The following APLF variants were observed in gnomAD, a reference collection of about 807,000 sequenced individuals.
APLF encodes the protein aprataxin and PNKP like factor, also known as aprataxin and PNK-like factor.
Under a neutral mutation model 55.6 loss-of-function variants are expected in APLF, and 61 were observed. That is an observed-to-expected ratio of 1.10 (90% CI 0.89 to 1.36). The LOEUF is 1.36. APLF is among the 40% of genes most tolerant of loss of function. The probability of loss-of-function intolerance (pLI) is 0.00; values close to 1 mark genes in which losing one functional copy is unlikely to be tolerated. For missense variants in APLF, 611 were observed against 602.5 expected, an observed-to-expected ratio of 1.01 and a Z score of -0.15; for synonymous variants, 207 against 214.8, an observed-to-expected ratio of 0.96 and a Z score of 0.32.
intron 8 of APLF, among the ~76,000 whole-genome samples, chr2:68,558,845 A>G (rs551016922): frequency 5.5e-4 from 84 of 151,946 alleles, no homozygotes; most frequent in Non-Finnish European, 1.0e-3. Context: ...TGTTCCCCCC[A>G]GTGTGTCCAT....
At chr2:68,470,087 A>T (rs1272412055) in intron 1 of APLF, among the ~76,000 whole-genome samples, 1 of 152,220 alleles carries the variant, frequency 6.6e-6, no homozygotes, top group Non-Finnish European at 1.5e-5. Context: ...CATGTGAGTC[A>T]TCAGAGAACC....
chr2:68,563,887 G>A (rs893921857), intron 8 of APLF, among the ~76,000 whole-genome samples: 1 of 152,030 alleles, frequency 6.6e-6, no homozygotes, highest in Non-Finnish European at 1.5e-5. Flanking sequence ...GATAATAACA[G>A]TAAGACACCC....
chr2:68,495,895 G>A (rs941725659), intron 2 of APLF, among the ~76,000 whole-genome samples: 2 of 152,202 alleles, frequency 1.3e-5, no homozygotes, highest in Non-Finnish European at 2.9e-5. Context: ...GGTCCTTTGA[G>A]CCATGGCTGG....
chr2:68,474,958 G>A (rs568283828), intron 1 of APLF, among the ~76,000 whole-genome samples: 26 of 152,212 alleles, frequency 1.7e-4, no homozygotes, highest in African/African-American at 3.9e-4. Context: ...GTGAGCCTCC[G>A]CGCCTGGGTA....
intron 5 of APLF, chr2:68,515,833 A>C (rs940389910): frequency 1.4e-6 from 1 of 699,634 alleles, no homozygotes; most frequent in Non-Finnish European, 1.8e-6. Context: ...ACTTTAGAAC[A>C]GTTTAGTACC....
intron 1 of APLF, among the ~76,000 whole-genome samples, chr2:68,473,113 A>G (rs550271998): frequency 6.6e-6 from 1 of 152,274 alleles, no homozygotes; most frequent in South Asian, 2.1e-4. Context: ...ACATTTATCT[A>G]CCATTGCAGT....
At chr2:68,518,325 A>T (rs1444516515) in intron 5 of APLF, among the ~76,000 whole-genome samples, 1 of 113,374 alleles carries the variant, frequency 8.8e-6, no homozygotes, top group African/African-American at 3.6e-5. Flanking sequence ...AATAATATAT[A>T]ATATATTAAT....
At chr2:68,499,168 G>T (rs543120732) in intron 2 of APLF, among the ~76,000 whole-genome samples, 2 of 151,954 alleles carry the variant, frequency 1.3e-5, no homozygotes, top group African/African-American at 4.8e-5. Context: ...TTTTTTGCAG[G>T]GATAATGCAT....
chr2:68,473,372 A>C (rs1050895547), intron 1 of APLF, among the ~76,000 whole-genome samples: 10 of 152,204 alleles, frequency 6.6e-5, no homozygotes, highest in African/African-American at 2.4e-4. Context: ...GTGATGAATA[A>C]TATTCCATTG....
At chr2:68,517,118 C>A (rs1239278694) in intron 5 of APLF, among the ~76,000 whole-genome samples, 1 of 120,206 alleles carries the variant, frequency 8.3e-6, no homozygotes, top group Non-Finnish European at 1.6e-5. Context: ...TATAATAATA[C>A]GTTATTGATC....
intron 7 of APLF, 94 bp from the exon 8 acceptor site, chr2:68,545,093 G>A: frequency 2.1e-6 from 3 of 1,423,728 alleles, no homozygotes; most frequent in Non-Finnish European, 2.9e-6. Flanking sequence ...TTCAAGGATA[G>A]CCAGATGTGG....
In APLF at chr2:68,579,104, A is replaced by G. The variant is rs539100546; in HGVS notation, c.*1082A>G. 3 of 966,432 alleles carry G rather than the reference A, an allele frequency of 3.1e-6. No homozygotes were observed. Among genetic ancestry groups the G allele is most frequent in the South Asian group, 4.8e-5 (1 of 20,866 alleles). 59.9% of individuals were successfully genotyped at this position (966,432 alleles called of 1,614,324 possible). A position where few individuals can be genotyped will look rare whatever the true frequency, so the allele number is the denominator to read the frequency against. Reference sequence around the variant, plus strand: ...ACTAAGCCAAAAGAATCTTTGTTAAATGCTATTATTTTCTACTCTAAAGGA... The same window carrying G: ...ACTAAGCCAAAAGAATCTTTGTTAAGTGCTATTATTTTCTACTCTAAAGGA... On this transcript the variant is annotated 3_prime_UTR_variant, in exon 10 of 10. Coordinates refer to ENST00000303795, the MANE Select transcript of APLF (RefSeq NM_173545.3).
chr2:68,497,172 G>C (rs1030374394), intron 2 of APLF, among the ~76,000 whole-genome samples: 4 of 152,010 alleles, frequency 2.6e-5, no homozygotes, highest in Non-Finnish European at 5.9e-5. Flanking sequence ...TTTCTGGGGA[G>C]GCCTCAGGAA....
intron 3 of APLF, among the ~76,000 whole-genome samples, chr2:68,504,526 A>G (rs925031942): frequency 1.3e-5 from 2 of 151,982 alleles, no homozygotes; most frequent in Non-Finnish European, 2.9e-5. Context: ...AAGAACTATC[A>G]TTTTAATAGA....
chr2:68,512,448 T>C (rs1194714976), intron 3 of APLF, among the ~76,000 whole-genome samples: 1 of 151,830 alleles, frequency 6.6e-6, no homozygotes, highest in Non-Finnish European at 1.5e-5. Flanking sequence ...ATTCGTTGGA[T>C]CATGTCTATG....
At chr2:68,513,415 G>C in intron 4 of APLF, 133 bp from the exon 5 acceptor site, 2 of 1,259,976 alleles carry the variant, frequency 1.6e-6, no homozygotes, top group South Asian at 1.5e-5. Context: ...TAATTTCTTT[G>C]TTCAAGAAAT....
chr2:68,478,121 GT>G (rs1675836319), intron 1 of APLF, among the ~76,000 whole-genome samples: 1 of 151,472 alleles, frequency 6.6e-6, no homozygotes, highest in Non-Finnish European at 1.5e-5. Flanking sequence ...AATACCACTA[GT>G]GATACTGGAA....
intron 1 of APLF, among the ~76,000 whole-genome samples, chr2:68,468,989 GGTGTGTGTGTGTGT>G (rs34695552): frequency 1.4e-5 from 2 of 146,662 alleles, no homozygotes; most frequent in Admixed American, 1.4e-4. Flanking sequence ...GTCCTAAAGG[GGTGTGTGTGTGTGT>G]GTGTGTGTGT....
chr2:68,472,163 G>A (rs138847354), intron 1 of APLF, among the ~76,000 whole-genome samples: 6 of 152,122 alleles, frequency 3.9e-5, no homozygotes, highest in African/African-American at 7.2e-5. Context: ...CTCAGATAGC[G>A]GACTTCAGAG....
Sources: allele counts gnomAD v4.1 joint callset (sites outside exome capture counted in the v4.1 genomes callset), GRCh38; gene constraint gnomAD v4.1.1; transcripts MANE v1.5; gene names NCBI Gene and HGNC (gene_info 2026-07-23, HGNC 2026-07-21).